NEK7: variants seen among roughly 807,000 people sequenced by gnomAD.
NEK7 encodes NIMA related kinase 7.
In NEK7, 18 loss-of-function variants were observed where a neutral mutation model predicts 44.6. The observed-to-expected ratio is 0.40, with a 90% CI of 0.28 to 0.60. The LOEUF is 0.60. Among genes scored for constraint, NEK7 ranks in the 20% least tolerant of loss-of-function variants. The pLI is 0.38. For synonymous variants in NEK7, 130 were observed against 121.1 expected (o/e 1.07, Z -0.48); for missense variants, 256 against 366.5 (o/e 0.70, Z 2.46).
intron 1 of NEK7, among the ~76,000 whole-genome samples, chr1:198,211,003 C>T (rs567810113): frequency 5.9e-5 from 9 of 151,990 alleles, no homozygotes; most frequent in African/African-American, 1.4e-4. Flanking sequence ...CCGCCCGCCT[C>T]GGCCTCCCAA....
intron 2 of NEK7, among the ~76,000 whole-genome samples, chr1:198,247,447 T>C (rs1288464002): frequency 6.6e-6 from 1 of 152,110 alleles, no homozygotes. Flanking sequence ...CATGATGGGA[T>C]TGGTGAGAGA....
At chr1:198,273,932 G>A (rs767108162) in intron 5 of NEK7, among the ~76,000 whole-genome samples, 8 of 151,570 alleles carry the variant, frequency 5.3e-5, no homozygotes, top group Non-Finnish European at 1.2e-4. Flanking sequence ...GAGTGAGGAA[G>A]CTGAGACCCA....
intron 9 of NEK7, among the ~76,000 whole-genome samples, chr1:198,299,891 A>G (rs1343444079): frequency 6.6e-6 from 1 of 152,200 alleles, no homozygotes; most frequent in Non-Finnish European, 1.5e-5. Flanking sequence ...ATTCTAAAAC[A>G]TACATAACAA....
At chr1:198,263,025 A>G (rs772241565) in intron 4 of NEK7, among the ~76,000 whole-genome samples, 1 of 151,910 alleles carries the variant, frequency 6.6e-6, no homozygotes, top group Non-Finnish European at 1.5e-5. Flanking sequence ...AATGGTTCAC[A>G]TGCATTTTCT....
At chr1:198,306,006 G>A (rs1017672820) in intron 9 of NEK7, among the ~76,000 whole-genome samples, 3 of 152,094 alleles carry the variant, frequency 2.0e-5, no homozygotes, top group Non-Finnish European at 4.4e-5. Flanking sequence ...AAAAGCTTGG[G>A]CGCTGGAGCT....
At position 198,216,456 on chromosome 1, in the gene NEK7, C is replaced by T. The variant is rs140300528; in HGVS notation, c.-28-16097C>T. The stretch of plus-strand genomic sequence containing the variant: ...ACAGTGTTAAGAGGAAAGTTTATAG[C>T]GCTAAATATCTATATCAAAAAGTCT... On this transcript the variant is annotated intron_variant, in intron 1 of 9. Coordinates refer to ENST00000367385, the MANE Select transcript of NEK7 (RefSeq NM_133494.3). Among the ~76,000 whole-genome samples, 257 of 152,042 alleles carry T rather than the reference C, an allele frequency of 1.7e-3. 1 individual carries two copies. Among genetic ancestry groups the T allele is most frequent in the African/African-American group, 5.6e-3 (233 of 41,504 alleles).
At chr1:198,314,465 G>A (rs990554246) in intron 9 of NEK7, among the ~76,000 whole-genome samples, 5 of 152,184 alleles carry the variant, frequency 3.3e-5, no homozygotes, top group South Asian at 2.1e-4. Flanking sequence ...GCTTTGTTCC[G>A]TTGCTGGTGA....
At chr1:198,214,268 A>T (rs938745001) in intron 1 of NEK7, among the ~76,000 whole-genome samples, 1 of 152,256 alleles carries the variant, frequency 6.6e-6, no homozygotes, top group Non-Finnish European at 1.5e-5. Context: ...ATATGAAAAA[A>T]TAGGGTTCTA....
intron 1 of NEK7, among the ~76,000 whole-genome samples, chr1:198,228,906 G>A (rs886598628): frequency 2.0e-5 from 3 of 152,118 alleles, no homozygotes; most frequent in Non-Finnish European, 4.4e-5. Context: ...AACACTATGT[G>A]GAATAGGAGT....
intron 2 of NEK7, among the ~76,000 whole-genome samples, chr1:198,235,216 C>T (rs889344366): frequency 2.6e-5 from 4 of 152,114 alleles, no homozygotes; most frequent in African/African-American, 9.7e-5. Flanking sequence ...CATTCTTTTT[C>T]TTGTTTCAAA....
intron 1 of NEK7, among the ~76,000 whole-genome samples, chr1:198,213,512 C>A (rs1383075722): frequency 1.3e-5 from 2 of 152,276 alleles, no homozygotes; most frequent in East Asian, 3.9e-4. Flanking sequence ...TCCTGGAACA[C>A]TTCAGGGTTA....
At chr1:198,199,234 G>A (rs1665342213) in intron 1 of NEK7, among the ~76,000 whole-genome samples, 1 of 152,258 alleles carries the variant, frequency 6.6e-6, no homozygotes, top group African/African-American at 2.4e-5. Flanking sequence ...AGAGGTTGCA[G>A]CCAGTCCCCT....
intron 2 of NEK7, among the ~76,000 whole-genome samples, chr1:198,233,499 A>G (rs999554527): frequency 1.3e-5 from 2 of 152,154 alleles, no homozygotes; most frequent in African/African-American, 4.8e-5. Flanking sequence ...AATATGTCTC[A>G]TGTATACTCT....
chr1:198,261,744 G>A (rs533136398), intron 3 of NEK7, among the ~76,000 whole-genome samples: 2 of 151,842 alleles, frequency 1.3e-5, no homozygotes, highest in African/African-American at 4.8e-5. Context: ...TGTTTTCAGA[G>A]ACACATGAAA....
chr1:198,190,337 C>T (rs1425014837), intron 1 of NEK7, among the ~76,000 whole-genome samples: 2 of 152,010 alleles, frequency 1.3e-5, no homozygotes, highest in Admixed American at 1.3e-4. Flanking sequence ...ATCTATACCC[C>T]TGATATTTTC....
intron 9 of NEK7, among the ~76,000 whole-genome samples, chr1:198,309,640 G>A (rs1185423189): frequency 7.3e-6 from 1 of 137,788 alleles, no homozygotes; most frequent in African/African-American, 2.8e-5. Context: ...TCCCCTTCCT[G>A]TGTCCATGTG....
chr1:198,279,982 GAT>G (rs1325520944), intron 7 of NEK7, among the ~76,000 whole-genome samples: 1 of 152,026 alleles, frequency 6.6e-6, no homozygotes, highest in Non-Finnish European at 1.5e-5. Flanking sequence ...GTGTTAGAAA[GAT>G]AATGCTTTGC....
intron 5 of NEK7, among the ~76,000 whole-genome samples, chr1:198,265,386 A>G (rs930009880): frequency 1.3e-5 from 2 of 152,198 alleles, no homozygotes; most frequent in Admixed American, 6.6e-5. Context: ...AGCTTGCTGT[A>G]GCAAGGGAGT....
intron 1 of NEK7, among the ~76,000 whole-genome samples, chr1:198,175,777 G>T (rs1664587202): frequency 6.6e-6 from 1 of 152,206 alleles, no homozygotes; most frequent in Non-Finnish European, 1.5e-5. Context: ...GGCCGAATAA[G>T]TATCATTTGT....
Sources: allele counts gnomAD v4.1 joint callset (sites outside exome capture counted in the v4.1 genomes callset), GRCh38; gene constraint gnomAD v4.1.1; transcripts MANE v1.5; gene names NCBI Gene and HGNC (gene_info 2026-07-23, HGNC 2026-07-21).